ANKRD44: variants seen among roughly 807,000 people sequenced by gnomAD.
ANKRD44 encodes the protein ankyrin repeat domain 44.
Under a neutral mutation model 116.0 loss-of-function variants are expected in ANKRD44, and 35 were observed. That is an observed-to-expected ratio of 0.30 (90% CI 0.23 to 0.40). The LOEUF is 0.40. Among genes scored for constraint, ANKRD44 ranks in the 10% least tolerant of loss-of-function variants. The pLI is 1.00. For missense variants in ANKRD44, 1,014 were observed against 1,242.6 expected, an observed-to-expected ratio of 0.82 and a Z score of 2.77; for synonymous variants, 435 against 461.8, an observed-to-expected ratio of 0.94 and a Z score of 0.74.
intron 1 of ANKRD44, among the ~76,000 whole-genome samples, chr2:197,240,155 G>A (rs1422363815): frequency 2.6e-5 from 4 of 151,922 alleles, no homozygotes; most frequent in East Asian, 1.9e-4. Context: ...CAGGTGAATC[G>A]CCTGAGGTCA....
At chr2:197,082,131 G>T (rs1181844530) in intron 14 of ANKRD44, among the ~76,000 whole-genome samples, 2 of 152,122 alleles carry the variant, frequency 1.3e-5, no homozygotes, top group African/African-American at 4.8e-5. Flanking sequence ...CCCTTCGTCT[G>T]CCAGAACAAT....
intron 21 of ANKRD44, among the ~76,000 whole-genome samples, chr2:196,975,832 AG>A: frequency 6.7e-6 from 1 of 150,314 alleles, no homozygotes; most frequent in Admixed American, 6.6e-5. Context: ...AAAGAAAGAA[AG>A]AAAGAAAGAA....
rs1574474370 is a variant in ANKRD44 at position 197,110,140 on chromosome 2, C to T, written c.985+626G>A. Among the ~76,000 whole-genome samples the T allele has an allele frequency of 2.0e-5, 3 of 152,118 alleles. No homozygotes were observed. The East Asian group carries it at 5.8e-4, about 29-fold the overall frequency. Reference sequence around the variant, plus strand: ...TATAGGCACCTGCCACCACTCCTGGCTAATTTTTGTATTTTTAGTAAAGAC... The same window carrying T: ...TATAGGCACCTGCCACCACTCCTGGTTAATTTTTGTATTTTTAGTAAAGAC... On this transcript the variant is annotated intron_variant, in intron 9 of 27. Transcript: ENST00000282272.
chr2:197,131,081 C>T (rs1048061936), intron 4 of ANKRD44, among the ~76,000 whole-genome samples: 1 of 152,202 alleles, frequency 6.6e-6, no homozygotes, highest in Non-Finnish European at 1.5e-5. Context: ...TCTGAGATTA[C>T]ATTTCCTAAA....
Position 197,262,704 on chromosome 2 carries a change from G to A in ANKRD44, c.27+47874C>T, listed in dbSNP as rs115292407. ...GGATCACTTGAGGCCAGGAGTTCAA[G>A]ACTAATCTGCCCAATATGGTGAAAC... On this transcript the variant is annotated intron_variant, in intron 1 of 27. Transcript: ENST00000282272. Among the ~76,000 whole-genome samples the A allele has an allele frequency of 6.5e-3, 989 of 152,212 alleles. 15 individuals carry two copies. The highest frequency in any genetic ancestry group is 0.023 in the African/African-American group (943 of 41,516).
At chr2:197,072,974 G>A (rs1440670441) in intron 16 of ANKRD44, among the ~76,000 whole-genome samples, 1 of 152,138 alleles carries the variant, frequency 6.6e-6, no homozygotes, top group Non-Finnish European at 1.5e-5. Context: ...CAATACATCT[G>A]TTCCAGTATG....
rs1220826428 is a variant in ANKRD44 at position 197,289,874 on chromosome 2, CT to C, written c.27+20703del. 1.9e-3 allele frequency among the ~76,000 whole-genome samples: 270 copies of C among 144,084 alleles called. 1 individual carries two copies. Among genetic ancestry groups the C allele is most frequent in the Middle Eastern group, 7.1e-3 (2 of 280 alleles). 94.5% of individuals were successfully genotyped at this position (144,084 alleles called of 152,430 possible). ...TATCCACAATATGGTCAATTTTTCT[CT>C]TTTTTTTTTTTTTGAGACGGAGTCT... On this transcript the variant is annotated intron_variant, in intron 1 of 27. Transcript: ENST00000282272.
At chr2:197,270,794 G>C (rs1449072188) in intron 1 of ANKRD44, among the ~76,000 whole-genome samples, 1 of 152,204 alleles carries the variant, frequency 6.6e-6, no homozygotes, top group Non-Finnish European at 1.5e-5. Context: ...AGGAATGGAG[G>C]GAGCGGAGCC....
chr2:197,223,709 A>G (rs2081637197), intron 1 of ANKRD44, among the ~76,000 whole-genome samples: 1 of 152,184 alleles, frequency 6.6e-6, no homozygotes, highest in Non-Finnish European at 1.5e-5. Context: ...GCTTCAACCT[A>G]TCTCCAAATA....
intron 4 of ANKRD44, among the ~76,000 whole-genome samples, chr2:197,127,724 G>A (rs7581968): frequency 0.055 from 8,376 of 152,154 alleles, 452 homozygotes; most frequent in African/African-American, 0.13. Flanking sequence ...AGGTTATATA[G>A]GTAAATGCAT....
At chr2:197,018,291 C>A (rs1196062321) in intron 17 of ANKRD44, among the ~76,000 whole-genome samples, 2 of 152,172 alleles carry the variant, frequency 1.3e-5, no homozygotes, top group Non-Finnish European at 2.9e-5. Flanking sequence ...CATGACCAAT[C>A]AGGCCCCCAG....
rs764302544 is a variant in ANKRD44 at position 197,000,478 on chromosome 2, T to A, written c.2460A>T (p.Ala820=). 6.2e-7 allele frequency: 1 copy of A among 1,614,134 alleles called. No homozygotes were observed. The highest frequency in any genetic ancestry group is 8.5e-7 in the Non-Finnish European group (1 of 1,179,980). ...CAIINDHGNC[A]SLLLGAIDSS... is the part of the protein sequence containing the mutation. ...AATCTATGGCCCCAAGCAGCAATGA[T>A]GCACAATTCCCATGATCATTGATTC... Residue 820 remains alanine (A), a synonymous_variant, in exon 23 of 28, where the codon GCA becomes GCT. Transcript: ENST00000282272.
At chr2:197,115,366 C>T (rs527249621) in intron 8 of ANKRD44, among the ~76,000 whole-genome samples, 2 of 152,342 alleles carry the variant, frequency 1.3e-5, no homozygotes, top group South Asian at 4.1e-4. Flanking sequence ...TTTATACTTT[C>T]TCATGTTCTA....
At chr2:197,221,206 A>G (rs1161955592) in intron 1 of ANKRD44, among the ~76,000 whole-genome samples, 3 of 151,570 alleles carry the variant, frequency 2.0e-5, no homozygotes, top group Non-Finnish European at 2.9e-5. Context: ...AGCCGAGATC[A>G]TGGCACTGCA....
intron 2 of ANKRD44, among the ~76,000 whole-genome samples, chr2:197,177,136 T>C (rs944162207): frequency 2.0e-5 from 3 of 152,334 alleles, no homozygotes; most frequent in African/African-American, 7.2e-5. Context: ...CCTCTGCCCA[T>C]TCACTTTTGA....
At position 197,089,993 on chromosome 2, in the gene ANKRD44, G is replaced by C. The variant is rs35539834; in HGVS notation, c.1140C>G (p.Ala380=). The change falls in exon 11 of 28, where the codon GCC becomes GCG. Residue 380 remains alanine, a synonymous_variant. Coordinates refer to ENST00000282272, the MANE Select transcript of ANKRD44 (RefSeq NM_001195144.2). The stretch of plus-strand genomic sequence containing the variant: ...TGCAGCAGTCAGAGTGAGCATTTAG[G>C]GCAGCTAAATGTAAAGGGAACATGC... The part of the protein sequence containing the change: ...IHSMFPLHLA[A]LNAHSDCCRK... 5.6e-5 allele frequency: 90 copies of C among 1,613,902 alleles called. No homozygotes were observed. Among genetic ancestry groups the C allele is most frequent in the Non-Finnish European group, 7.2e-5 (85 of 1,179,954 alleles).
intron 1 of ANKRD44, among the ~76,000 whole-genome samples, chr2:197,187,896 C>T (rs1347020276): frequency 1.3e-5 from 2 of 151,998 alleles, no homozygotes; most frequent in Non-Finnish European, 2.9e-5. Context: ...CCTGAGCAAA[C>T]TAAGACAGTT....
In ANKRD44 at chr2:197,086,441, G is replaced by GA. The variant is rs139342029; in HGVS notation, c.1316+238dup. 2.9e-3 allele frequency among the ~76,000 whole-genome samples: 430 copies of GA among 147,014 alleles called. 1 individual carries two copies. The highest frequency in any genetic ancestry group is 9.7e-3 in the African/African-American group (391 of 40,242). On this transcript the variant is annotated intron_variant, in intron 13 of 27. Coordinates refer to ENST00000282272, the MANE Select transcript of ANKRD44 (RefSeq NM_001195144.2). ...AGGAGTTTTGTTTTGTCTTTTAACT[G>GA]AAAAAAAAAAGGGAGACAATTGGCA...
intron 2 of ANKRD44, among the ~76,000 whole-genome samples, chr2:197,182,696 C>G (rs1452932955): frequency 6.6e-6 from 1 of 152,132 alleles, no homozygotes; most frequent in Non-Finnish European, 1.5e-5. Context: ...TGAGTTGGGC[C>G]TGCAGATCCC....
Sources: gnomAD v4.1 joint callset for allele counts (sites outside exome capture counted in the v4.1 genomes callset) on GRCh38, gnomAD v4.1.1 for gene constraint, MANE v1.5 for transcripts, NCBI Gene and HGNC (gene_info 2026-07-23, HGNC 2026-07-21) for gene names.